Variants in ZNF253 observed in about 807,000 individuals in gnomAD.
ZNF253 encodes zinc finger protein 253, also known as DNA-binding protein.
In ZNF253, 8 loss-of-function variants were observed where a neutral mutation model predicts 11.9. The ratio of observed to expected loss-of-function variants is 0.67; its 90% confidence interval spans 0.40 to 1.22. The LOEUF (loss-of-function observed/expected upper bound fraction) is 1.22. ZNF253 is among the 50% of genes most tolerant of loss of function. ZNF253 has a pLI of 0.01. For missense variants in ZNF253, 485 were observed against 586.9 expected, an observed-to-expected ratio of 0.83 and a Z score of 1.79; for synonymous variants, 194 against 194.9, an observed-to-expected ratio of 1.00 and a Z score of 0.04.
intron 3 of ZNF253, among the ~76,000 whole-genome samples, chr19:19,887,110 AT>A (rs2063209295): frequency 6.6e-6 from 1 of 152,040 alleles, no homozygotes; most frequent in African/African-American, 2.4e-5. Context: ...AAGGCATATT[AT>A]GTCTAATATA....
intron 3 of ZNF253, among the ~76,000 whole-genome samples, chr19:19,884,296 C>G (rs139066601): frequency 6.6e-6 from 1 of 152,210 alleles, no homozygotes; most frequent in Non-Finnish European, 1.5e-5. Context: ...AATACTGGTA[C>G]AATAAACATA....
intron 3 of ZNF253, among the ~76,000 whole-genome samples, chr19:19,882,061 C>A (rs2063180200): frequency 6.6e-6 from 1 of 151,922 alleles, no homozygotes; most frequent in South Asian, 2.1e-4. Context: ...TGGTGACATG[C>A]ACCTGTAATC....
intron 2 of ZNF253, 36 bp from the exon 3 acceptor site, chr19:19,880,015 G>T: frequency 1.3e-6 from 2 of 1,522,058 alleles, no homozygotes; most frequent in South Asian, 1.1e-5. Context: ...GGGAGTATAT[G>T]AGCAAGATTC....
chr19:19,879,449 T>C (rs2063168231), intron 2 of ZNF253, among the ~76,000 whole-genome samples: 1 of 152,160 alleles, frequency 6.6e-6, no homozygotes, highest in East Asian at 1.9e-4. Flanking sequence ...TAAAATGTTC[T>C]GCGTACATGT....
rs776227295 is a variant in ZNF253 at position 19,892,391 on chromosome 19, AC to A, written c.1147del (p.Leu383PhefsTer57). 5.0e-6 allele frequency: 8 copies of A among 1,613,582 alleles called. No individual in the cohort carries two copies. The South Asian group carries it at 8.8e-5, about 18-fold the overall frequency. ...TGGCAAAGCTTTTAACCATTCCACA[AC>A]CCTTTTTTCACATGAGAAAATTCAT... ...ECGKAFNHST[T>X]LFSHEKIHTG... On this transcript the variant is annotated frameshift_variant, in exon 4 of 4. Transcript: ENST00000589717. LOFTEE classifies it low-confidence loss of function (END_TRUNC).
intron 3 of ZNF253, among the ~76,000 whole-genome samples, chr19:19,890,885 A>G (rs1391115142): frequency 1.7e-5 from 2 of 120,682 alleles, no homozygotes; most frequent in South Asian, 2.6e-4. Context: ...TCTGTTGCCC[A>G]GGCTGGAGTG....
intron 1 of ZNF253, among the ~76,000 whole-genome samples, chr19:19,872,566 T>A (rs1438257509): frequency 8.8e-6 from 1 of 114,092 alleles, no homozygotes; most frequent in African/African-American, 5.2e-5. Flanking sequence ...CATAACTATA[T>A]ATATATATAT....
rs977950340 is a variant in ZNF253 at position 19,878,345 on chromosome 19, A to G, written c.4-136A>G. The G allele has an allele frequency of 1.8e-5, 26 of 1,479,656 alleles. No individual in the cohort carries two copies. In the African/African-American group the frequency reaches 3.6e-4, roughly 20 times the overall value. The allele number at this position is 1,479,656 out of a possible 1,614,324, so 91.7% of individuals were successfully genotyped here. On this transcript the variant is annotated intron_variant, in intron 1 of 3. Transcript: ENST00000589717. ...ACATTAGAGAATATTTTTGGGTTGA[A>G]AAATATTTTATTGGATAATTTTAGG...
chr19:19,888,738 G>A (rs1335550872), intron 3 of ZNF253, among the ~76,000 whole-genome samples: 1 of 151,846 alleles, frequency 6.6e-6, no homozygotes, highest in Non-Finnish European at 1.5e-5. Context: ...TGCTTTCTGT[G>A]CCATTATGAT....
intron 3 of ZNF253, 86 bp downstream of exon 3, chr19:19,880,232 T>C: frequency 9.6e-7 from 1 of 1,045,130 alleles, no homozygotes; most frequent in South Asian, 1.6e-5. Context: ...AAAATGTGAT[T>C]CTGGAAGCTG....
At chr19:19,866,054 G>A in intron 1 of ZNF253, 55 bp downstream of exon 1, 3 of 1,612,950 alleles carry the variant, frequency 1.9e-6, no homozygotes, top group Non-Finnish European at 1.7e-6. Flanking sequence ...GGAACGGTGG[G>A]AAGTGGCTCT....
intron 1 of ZNF253, among the ~76,000 whole-genome samples, chr19:19,876,922 T>G (rs2063158286): frequency 6.6e-6 from 1 of 152,202 alleles, no homozygotes; most frequent in South Asian, 2.1e-4. Flanking sequence ...CTACATTTGC[T>G]GCATCATAGC....
intron 3 of ZNF253, among the ~76,000 whole-genome samples, chr19:19,887,216 A>G (rs1293717788): frequency 6.6e-6 from 1 of 151,926 alleles, no homozygotes; most frequent in Non-Finnish European, 1.5e-5. Flanking sequence ...TCAATGCAAA[A>G]TGAGTCTCTT....
At chr19:19,872,585 A>ATTATATATATATATATATATATATTAT (rs59790297) in intron 1 of ZNF253, among the ~76,000 whole-genome samples, 15 of 90,460 alleles carry the variant, frequency 1.7e-4, no homozygotes, top group East Asian at 8.9e-4. Flanking sequence ...ATATATTATT[A>ATTATATATATATATATATATATATTAT]TATATATATA....
rs58650123 is a variant in ZNF253 at position 19,872,561 on chromosome 19, C to CTATATATATATATATATA, written c.4-5918_4-5901dup. 3.0e-3 allele frequency among the ~76,000 whole-genome samples: 370 copies of CTATATATATATATATATA among 121,782 alleles called. 4 individuals carry two copies. The highest frequency in any genetic ancestry group is 6.1e-3 in the African/African-American group (146 of 23,770). 79.9% of individuals were successfully genotyped at this position (121,782 alleles called of 152,430 possible). A position where few individuals can be genotyped will look rare whatever the true frequency, so the allele number is the denominator to read the frequency against. On this transcript the variant is annotated intron_variant, in intron 1 of 3. Transcript: ENST00000589717. ...CTATATCCCATACCCTAAACCATAA[C>CTATATATATATATATATA]TATATATATATATATATATTATTAT...
At chr19:19,883,064 A>G (rs8105482) in intron 3 of ZNF253, among the ~76,000 whole-genome samples, 56,929 of 151,844 alleles carry the variant, frequency 0.37, 13,013 homozygotes, top group East Asian at 0.66. Context: ...AATTTTAGTT[A>G]TGGCTTATCT....
chr19:19,876,453 G>A (rs2063156478), intron 1 of ZNF253, among the ~76,000 whole-genome samples: 1 of 133,654 alleles, frequency 7.5e-6, no homozygotes, highest in Non-Finnish European at 1.7e-5. Context: ...TGGTGTCTGT[G>A]GCAGGGGAGG....
At chr19:19,875,228 T>G (rs2063150135) in intron 1 of ZNF253, among the ~76,000 whole-genome samples, 1 of 152,096 alleles carries the variant, frequency 6.6e-6, no homozygotes, top group South Asian at 2.1e-4. Context: ...AAAGTATGTA[T>G]TAGAGGGTGT....
chr19:19,892,459 CTT>C lies in ZNF253; in HGVS notation c.1214_1215del (p.Phe405TyrfsTer10). 1 of 1,613,616 alleles carries C rather than the reference CTT, an allele frequency of 6.2e-7. No individual in the cohort carries two copies. The highest frequency in any genetic ancestry group is 1.1e-5 in the South Asian group (1 of 91,056). ...ACAAATGTGATGAATGTGGCAAAAC[CTT>C]TACCTGGCCCTCAATCCTCTCCAAA... ...PYKCDECGKT[F>X]TWPSILSKHK... On this transcript the variant is annotated frameshift_variant, in exon 4 of 4. Transcript: ENST00000589717. LOFTEE classifies it low-confidence loss of function (END_TRUNC).
Sources: allele counts gnomAD v4.1 joint callset (sites outside exome capture counted in the v4.1 genomes callset), GRCh38; gene constraint gnomAD v4.1.1; transcripts MANE v1.5; gene names NCBI Gene and HGNC (gene_info 2026-07-23, HGNC 2026-07-21).